The following DNAJC13 variants were observed in gnomAD, a reference collection of about 807,000 sequenced individuals.
DNAJC13 encodes DnaJ heat shock protein family (Hsp40) member C13, also known as dnaJ homolog subfamily C member 13.
In DNAJC13, 75 loss-of-function variants were observed where a neutral mutation model predicts 290.5. That is an observed-to-expected ratio of 0.26 (90% confidence interval 0.21 to 0.31). The LOEUF is 0.31. Ranked by LOEUF, DNAJC13 falls within the 10% of genes least tolerant of loss-of-function variation. The probability of loss-of-function intolerance (pLI) is 1.00; values close to 1 mark genes in which losing one functional copy is unlikely to be tolerated. For synonymous variants in DNAJC13, 862 were observed against 892.0 expected (o/e 0.97, Z 0.60); for missense variants, 2,260 against 2,674.5 (o/e 0.85, Z 3.42).
chr3:132,520,052 C>A (rs564890078), intron 48 of DNAJC13, among the ~76,000 whole-genome samples: 1 of 152,250 alleles, frequency 6.6e-6, no homozygotes, highest in Admixed American at 6.5e-5. Context: ...GAAAGACCTG[C>A]CCCTGTGATT....
At chr3:132,434,476 A>G (rs917256489) in intron 1 of DNAJC13, 62 bp from the exon 2 acceptor site, 2 of 1,185,426 alleles carry the variant, frequency 1.7e-6, no homozygotes, top group Non-Finnish European at 2.4e-6. Flanking sequence ...TTCTTAGGGG[A>G]ATCTTGGAAA....
chr3:132,479,030 A>G (rs1382381247), intron 24 of DNAJC13, among the ~76,000 whole-genome samples, 197 bp from the exon 25 acceptor site: 1 of 152,216 alleles, frequency 6.6e-6, no homozygotes, highest in African/African-American at 2.4e-5. Flanking sequence ...GGGAGATTAG[A>G]CAAGTTATAT....
intron 13 of DNAJC13, among the ~76,000 whole-genome samples, chr3:132,458,735 A>C (rs1206066161): frequency 6.6e-6 from 1 of 152,200 alleles, no homozygotes; most frequent in Non-Finnish European, 1.5e-5. Flanking sequence ...AAGCTTACCA[A>C]ATATACACAC....
chr3:132,458,213 G>C (rs751189744), intron 13 of DNAJC13: 4 of 152,180 alleles, frequency 2.6e-5, no homozygotes, highest in Admixed American at 6.5e-5. Context: ...AGAAACAATT[G>C]TTTAGTACAG....
intron 39 of DNAJC13, among the ~76,000 whole-genome samples, chr3:132,501,762 G>T (rs1396522594): frequency 1.3e-5 from 2 of 152,068 alleles, no homozygotes; most frequent in Non-Finnish European, 2.9e-5. Context: ...TAAATAACTG[G>T]GCAGAGTGAG....
chr3:132,536,822 T>C (rs1936605397), intron 55 of DNAJC13, among the ~76,000 whole-genome samples: 1 of 152,140 alleles, frequency 6.6e-6, no homozygotes, highest in East Asian at 1.9e-4. Context: ...AAGGCAGGAG[T>C]TGATAGATGC....
In DNAJC13 at chr3:132,453,946, T is replaced by C. The variant is rs370652045; in HGVS notation, c.841-120T>C. The C allele has an allele frequency of 2.1e-4, 181 of 863,120 alleles. No homozygotes were observed. The East Asian group carries it at 4.1e-3, about 19-fold the overall frequency. 53.5% of individuals were successfully genotyped at this position (863,120 alleles called of 1,614,324 possible). On this transcript the variant is annotated intron_variant, in intron 8 of 55. Transcript: ENST00000260818. ...GATTTTAAAGTTTTAAACTCTTATA[T>C]TGTAAACAAGTCACATCTTAAAATA...
chr3:132,456,188 C>A, intron 9 of DNAJC13, 47 bp from the exon 10 acceptor site: 1 of 1,577,058 alleles, frequency 6.3e-7, no homozygotes, highest in Non-Finnish European at 8.6e-7. Flanking sequence ...CAAAATTCCC[C>A]TTAATCATCA....
rs574388298 is a variant in DNAJC13, at chr3:132,535,399, G to A, written c.6626-2777G>A. 1.1e-4 allele frequency among the ~76,000 whole-genome samples: 16 copies of A among 152,234 alleles called. No individual in the cohort carries two copies. In the South Asian group the frequency reaches 1.2e-3, roughly 12 times the overall value. On this transcript the variant is annotated intron_variant, in intron 55 of 55. Coordinates refer to ENST00000260818, the MANE Select transcript of DNAJC13 (RefSeq NM_015268.4). ...TTATGATAAATGCTTATTTAAAGGT[G>A]CCTCAGTGGAATTTTTCCTGTGATG...
At chr3:132,527,382 C>T (rs956108063) in intron 53 of DNAJC13, among the ~76,000 whole-genome samples, 2 of 152,150 alleles carry the variant, frequency 1.3e-5, no homozygotes, top group Non-Finnish European at 2.9e-5. Flanking sequence ...TTCTCCCAGC[C>T]CCTCAGCCTT....
At chr3:132,423,814 G>A (rs1017061519) in intron 1 of DNAJC13, among the ~76,000 whole-genome samples, 2 of 152,176 alleles carry the variant, frequency 1.3e-5, no homozygotes, top group African/African-American at 2.4e-5. Context: ...TCTTCAAGTT[G>A]TATGTGTTAA....
intron 5 of DNAJC13, 47 bp downstream of exon 5, chr3:132,447,986 C>A (rs767329689): frequency 1.6e-6 from 2 of 1,283,980 alleles, no homozygotes; most frequent in Admixed American, 1.9e-5. Flanking sequence ...TCAAATGTTG[C>A]CCTTTATTGT....
At chr3:132,509,566 TCTC>T (rs1935704509) in intron 43 of DNAJC13, among the ~76,000 whole-genome samples, 2 of 152,280 alleles carry the variant, frequency 1.3e-5, no homozygotes, top group South Asian at 2.1e-4. Context: ...TGAAAGAAAT[TCTC>T]CTGTGGATAA....
intron 2 of DNAJC13, among the ~76,000 whole-genome samples, chr3:132,437,917 G>A (rs1262948708): frequency 6.6e-6 from 1 of 151,868 alleles, no homozygotes. Context: ...TGGGCATGGC[G>A]GCGCTCCCCT....
intron 43 of DNAJC13, among the ~76,000 whole-genome samples, chr3:132,509,367 G>A (rs144623831): frequency 1.1e-4 from 17 of 152,304 alleles, no homozygotes; most frequent in Non-Finnish European, 1.6e-4. Flanking sequence ...TGACTCAATT[G>A]CTGCAATCTC....
At chr3:132,441,926 A>C (rs1015006408) in intron 2 of DNAJC13, among the ~76,000 whole-genome samples, 7 of 152,096 alleles carry the variant, frequency 4.6e-5, no homozygotes, top group Non-Finnish European at 7.4e-5. Context: ...ATTCACTGTC[A>C]TATTATTGAA....
rs138066560 is a variant in DNAJC13, at chr3:132,499,412, T to G, written c.4341+102T>G. 317 of 1,021,958 alleles carry G rather than the reference T, an allele frequency of 3.1e-4. 2 individuals are homozygous for G. In the African/African-American group the frequency reaches 4.8e-3, roughly 15 times the overall value. 63.3% of individuals were successfully genotyped at this position (1,021,958 alleles called of 1,614,324 possible). ...AAGTACAAATGCAGATTCTTTAATTTATTTCAGCAGATAACACAATATTTT... is the reference window on the plus strand; with the variant it reads ...AAGTACAAATGCAGATTCTTTAATTGATTTCAGCAGATAACACAATATTTT... On this transcript the variant is annotated intron_variant, in intron 37 of 55. Coordinates refer to ENST00000260818, the MANE Select transcript of DNAJC13 (RefSeq NM_015268.4).
chr3:132,491,153 A>G (rs1576496223), intron 32 of DNAJC13, 102 bp downstream of exon 32: 1 of 995,180 alleles, frequency 1.0e-6, no homozygotes, highest in East Asian at 2.7e-5. Context: ...CACTAGGTTT[A>G]TAATCTAAAA....
At chr3:132,457,446 C>A in intron 13 of DNAJC13, 78 bp downstream of exon 13, 1 of 1,113,100 alleles carries the variant, frequency 9.0e-7, no homozygotes, top group Non-Finnish European at 1.3e-6. Context: ...CCCAGATTTT[C>A]ATTGTACCAA....
Sources: gnomAD v4.1 joint callset for allele counts (sites outside exome capture counted in the v4.1 genomes callset) on GRCh38, gnomAD v4.1.1 for gene constraint, MANE v1.5 for transcripts, NCBI Gene and HGNC (gene_info 2026-07-23, HGNC 2026-07-21) for gene names.